SLC24A3: variants seen among roughly 807,000 people sequenced by gnomAD.
SLC24A3 encodes the protein sodium/potassium/calcium exchanger 3.
A neutral mutation model predicts 75.8 loss-of-function variants in SLC24A3; 28 were observed. The ratio of observed to expected loss-of-function variants is 0.37; its 90% CI spans 0.27 to 0.51. The LOEUF is 0.51. Among genes scored for constraint, SLC24A3 ranks in the 20% least tolerant of loss-of-function variants. The pLI, the probability that SLC24A3 is intolerant of heterozygous loss-of-function variation, is 0.94. For missense variants in SLC24A3, 663 were observed against 847.8 expected (o/e 0.78, Z 2.71); for synonymous variants, 372 against 334.1 (o/e 1.11, Z -1.24).
At chr20:19,716,082 T>A (rs2328444) in intron 15 of SLC24A3, among the ~76,000 whole-genome samples, 113,783 of 152,084 alleles carry the variant, frequency 0.75, 42,847 homozygotes, top group East Asian at 0.96. Context: ...GCACAGATTC[T>A]TGGGCCCTGC....
At chr20:19,392,999 A>G (rs1028303277) in intron 2 of SLC24A3, among the ~76,000 whole-genome samples, 1 of 152,178 alleles carries the variant, frequency 6.6e-6, no homozygotes, top group East Asian at 1.9e-4. Context: ...TCTATCTCTT[A>G]TCTCTGATCA....
chr20:19,424,021 G>T (rs1162776278), intron 2 of SLC24A3, among the ~76,000 whole-genome samples: 1 of 152,156 alleles, frequency 6.6e-6, no homozygotes, highest in East Asian at 1.9e-4. Flanking sequence ...ATCCCTTAAT[G>T]GTGGGAGGAA....
rs373126164 is a variant in SLC24A3, at chr20:19,247,386, A to T, written c.143-33573A>T. ...GACTAAAAGAAAATTATGAAGAAAA[A>T]AATTTTAAATCCTATTTCTGAAATG... On this transcript the variant is annotated intron_variant, in intron 1 of 16. Coordinates refer to ENST00000328041, the MANE Select transcript of SLC24A3 (RefSeq NM_020689.4). 2.1e-3 allele frequency among the ~76,000 whole-genome samples: 313 copies of T among 152,318 alleles called. 9 individuals carry two copies. The South Asian group carries it at 0.058, about 28-fold the overall frequency.
chr20:19,656,036 T>C (rs1189522350), intron 7 of SLC24A3, among the ~76,000 whole-genome samples: 1 of 152,130 alleles, frequency 6.6e-6, no homozygotes, highest in Non-Finnish European at 1.5e-5. Context: ...ACAATAGGAA[T>C]AGATCAACTA....
intron 2 of SLC24A3, among the ~76,000 whole-genome samples, chr20:19,473,971 A>G (rs1568628199): frequency 1.3e-5 from 2 of 152,244 alleles, no homozygotes; most frequent in South Asian, 2.1e-4. Flanking sequence ...ATTTTTGCTA[A>G]TAGAGAAAAT....
At chr20:19,673,723 A>T in intron 9 of SLC24A3, 69 bp downstream of exon 9, 1 of 1,368,170 alleles carries the variant, frequency 7.3e-7, no homozygotes, top group Non-Finnish European at 1.0e-6. Context: ...TGATGTGGGA[A>T]GAGGATTGGG....
intron 3 of SLC24A3, among the ~76,000 whole-genome samples, chr20:19,563,304 T>G (rs2030905426): frequency 6.6e-6 from 1 of 152,158 alleles, no homozygotes; most frequent in South Asian, 2.1e-4. Context: ...TAAAATGTGT[T>G]CACTGTCTAA....
At position 19,720,971 on chromosome 20, in the gene SLC24A3, A is replaced by G. The variant is rs571900130; in HGVS notation, c.1786-20A>G. 2 of 1,612,506 alleles carry G rather than the reference A, an allele frequency of 1.2e-6. No homozygotes were observed. The highest frequency in any genetic ancestry group is 2.2e-5 in the South Asian group (2 of 90,934). ...GCTGCCTCCTCCTGGTGCCCTCTGA[A>G]CCTGTTCTGTGCCCTGCAGGTGTTC... On this transcript the variant is annotated intron_variant, in intron 16 of 16. Transcript: ENST00000328041.
intron 3 of SLC24A3, among the ~76,000 whole-genome samples, chr20:19,575,499 A>G (rs1247771696): frequency 1.3e-5 from 2 of 152,224 alleles, no homozygotes; most frequent in Admixed American, 6.5e-5. Context: ...AGGCCAAAGC[A>G]GATTCCCACT....
In SLC24A3 at chr20:19,381,887, G is replaced by T. The variant is rs532854195; in HGVS notation, c.271+100800G>T. ...TAGCAACATGGTGACTGGAGGGGCA[G>T]GCAGGCATTCTGTTCAGCATGGAAC... On this transcript the variant is annotated intron_variant, in intron 2 of 16. Coordinates refer to ENST00000328041, the MANE Select transcript of SLC24A3 (RefSeq NM_020689.4). 6.0e-4 allele frequency among the ~76,000 whole-genome samples: 91 copies of T among 152,306 alleles called. 1 individual carries two copies. The highest frequency in any genetic ancestry group is 2.1e-3 in the African/African-American group (88 of 41,562).
At chr20:19,295,406 G>A (rs754627053) in intron 2 of SLC24A3, among the ~76,000 whole-genome samples, 6 of 152,216 alleles carry the variant, frequency 3.9e-5, no homozygotes, top group Non-Finnish European at 8.8e-5. Context: ...TAGGGGTGGT[G>A]AGATGGGGCA....
At chr20:19,455,686 A>C (rs901720458) in intron 2 of SLC24A3, among the ~76,000 whole-genome samples, 5 of 152,256 alleles carry the variant, frequency 3.3e-5, no homozygotes, top group Non-Finnish European at 7.3e-5. Context: ...AGGAGGATCA[A>C]GCCCTAGCTG....
At chr20:19,292,729 C>T (rs964460361) in intron 2 of SLC24A3, among the ~76,000 whole-genome samples, 8 of 152,164 alleles carry the variant, frequency 5.3e-5, no homozygotes, top group African/African-American at 9.7e-5. Context: ...ACCTTCTTGT[C>T]GTAGTCTGCT....
chr20:19,523,347 A>G (rs2030138804), intron 3 of SLC24A3, among the ~76,000 whole-genome samples: 1 of 152,230 alleles, frequency 6.6e-6, no homozygotes, highest in Non-Finnish European at 1.5e-5. Flanking sequence ...AAATGATTAG[A>G]ATAGCTTGTG....
At chr20:19,522,369 G>A (rs1488116482) in intron 3 of SLC24A3, among the ~76,000 whole-genome samples, 1 of 152,198 alleles carries the variant, frequency 6.6e-6, no homozygotes, top group Non-Finnish European at 1.5e-5. Context: ...GCACTGCCAG[G>A]CCACCAGGCT....
Position 19,538,040 on chromosome 20 carries a change from TA to T in SLC24A3, c.348+22485del, listed in dbSNP as rs907444062. On this transcript the variant is annotated intron_variant, in intron 3 of 16. Coordinates refer to ENST00000328041, the MANE Select transcript of SLC24A3 (RefSeq NM_020689.4). Reference sequence around the variant, plus strand: ...CTTAAAGTATAATAATAATAAAATTTAAAAAAAAATGGGGGTAGTTTGGTAA... The same window carrying T: ...CTTAAAGTATAATAATAATAAAATTTAAAAAAAATGGGGGTAGTTTGGTAA... Among the ~76,000 whole-genome samples the T allele has an allele frequency of 3.3e-5, 5 of 151,008 alleles. No individual in the cohort carries two copies. The East Asian group carries it at 5.8e-4, about 18-fold the overall frequency.
intron 6 of SLC24A3, among the ~76,000 whole-genome samples, chr20:19,590,735 G>T (rs34616810): frequency 0.029 from 4,367 of 152,284 alleles, 100 homozygotes; most frequent in Non-Finnish European, 0.045. Context: ...GTAAAACTGG[G>T]TTTCTCCCGG....
At chr20:19,348,020 C>T (rs966219735) in intron 2 of SLC24A3, among the ~76,000 whole-genome samples, 1 of 152,178 alleles carries the variant, frequency 6.6e-6, no homozygotes, top group Non-Finnish European at 1.5e-5. Flanking sequence ...CTGATTCGGT[C>T]AACAGTTGTG....
chr20:19,492,672 A>G (rs553994443), intron 2 of SLC24A3, among the ~76,000 whole-genome samples: 17 of 152,126 alleles, frequency 1.1e-4, no homozygotes, highest in Non-Finnish European at 2.1e-4. Context: ...GAGAATTATT[A>G]TTTCCTGTAT....
Sources: gnomAD v4.1 joint callset for allele counts (sites outside exome capture counted in the v4.1 genomes callset) on GRCh38, gnomAD v4.1.1 for gene constraint, MANE v1.5 for transcripts, NCBI Gene and HGNC (gene_info 2026-07-23, HGNC 2026-07-21) for gene names.